Variants in UBR2 observed in about 807,000 individuals in gnomAD.
The protein encoded by UBR2 is E3 ubiquitin-protein ligase UBR2.
Under a neutral mutation model 247.9 loss-of-function variants are expected in UBR2, and 92 were observed. The observed-to-expected ratio is 0.37, with a 90% confidence interval of 0.31 to 0.44. The LOEUF (loss-of-function observed/expected upper bound fraction) is 0.44. UBR2 is among the 20% of genes least tolerant of loss of function. The pLI, the probability that UBR2 is intolerant of heterozygous loss-of-function variation, is 1.00. For missense variants in UBR2, 1,613 were observed against 2,112.6 expected (o/e 0.76, Z 4.64); for synonymous variants, 672 against 693.5 (o/e 0.97, Z 0.49).
At chr6:42,609,718 C>A (rs150116349) in intron 7 of UBR2, among the ~76,000 whole-genome samples, 48 of 150,372 alleles carry the variant, frequency 3.2e-4, no homozygotes, top group Non-Finnish European at 4.4e-5. Context: ...AATCCCATTC[C>A]TACAAAAAAA....
At chr6:42,572,568 G>A (rs1273827247) in intron 1 of UBR2, among the ~76,000 whole-genome samples, 2 of 151,288 alleles carry the variant, frequency 1.3e-5, no homozygotes, top group Non-Finnish European at 2.9e-5. Context: ...AGGAATACAT[G>A]TGCAGGTTTG....
At chr6:42,574,565 A>G (rs1427676522) in intron 2 of UBR2, among the ~76,000 whole-genome samples, 1 of 152,158 alleles carries the variant, frequency 6.6e-6, no homozygotes, top group Non-Finnish European at 1.5e-5. Flanking sequence ...TCTTTTTTAA[A>G]TTTCTTGGTG....
chr6:42,584,159 G>A (rs1440979767), intron 2 of UBR2, among the ~76,000 whole-genome samples: 3 of 151,748 alleles, frequency 2.0e-5, no homozygotes, highest in African/African-American at 7.3e-5. Context: ...ACCATGCCCA[G>A]CTAATTTTGT....
intron 15 of UBR2, among the ~76,000 whole-genome samples, 177 bp from the exon 16 acceptor site, chr6:42,640,032 A>T (rs980592899): frequency 2.0e-5 from 3 of 151,952 alleles, no homozygotes; most frequent in Non-Finnish European, 4.4e-5. Context: ...GTCTCAAAAA[A>T]TTAATAATAA....
At chr6:42,661,671 A>T (rs1040800155) in intron 30 of UBR2, among the ~76,000 whole-genome samples, 3 of 152,250 alleles carry the variant, frequency 2.0e-5, no homozygotes, top group Admixed American at 1.3e-4. Context: ...GTCTGTGCTT[A>T]GATTTTTTGT....
chr6:42,586,538 C>CTTTTTTTTTTTTTTTTTTTTTTTTTTTTT (rs147830824), intron 2 of UBR2, among the ~76,000 whole-genome samples: 4 of 97,256 alleles, frequency 4.1e-5, no homozygotes, highest in African/African-American at 4.3e-5. Context: ...GTTTGTCTCT[C>CTTTTTTTTTTTTTTTTTTTTTTTTTTTTT]TTTTTTTTTT....
intron 2 of UBR2, among the ~76,000 whole-genome samples, chr6:42,579,979 A>G (rs1018237035): frequency 1.3e-5 from 2 of 152,300 alleles, no homozygotes; most frequent in African/African-American, 4.8e-5. Flanking sequence ...CTGTTTTCAT[A>G]GTAAGGACAG....
intron 3 of UBR2, among the ~76,000 whole-genome samples, chr6:42,592,976 C>T (rs750799892): frequency 1.3e-5 from 2 of 152,024 alleles, no homozygotes; most frequent in Non-Finnish European, 2.9e-5. Flanking sequence ...AGATCAACAC[C>T]ATCCTGGCTA....
At chr6:42,609,240 A>G (rs1407011856) in intron 7 of UBR2, among the ~76,000 whole-genome samples, 1 of 152,242 alleles carries the variant, frequency 6.6e-6, no homozygotes, top group Non-Finnish European at 1.5e-5. Flanking sequence ...AAGTACCAGT[A>G]AGTGTGTATA....
intron 2 of UBR2, among the ~76,000 whole-genome samples, chr6:42,576,893 G>T (rs1791557383): frequency 6.6e-6 from 1 of 152,008 alleles, no homozygotes; most frequent in Admixed American, 6.6e-5. Flanking sequence ...TATTTGTGGG[G>T]GTCCCACAAA....
chr6:42,566,509 C>T lies in UBR2; in HGVS notation c.78+2112C>T, dbSNP rs547430417. On this transcript the variant is annotated intron_variant, in intron 1 of 46. Coordinates refer to ENST00000372901, the MANE Select transcript of UBR2 (RefSeq NM_001363705.2). ...AAGTGATTCTCCTGCCTCAGCCTCC[C>T]GAATTACAGCTGGGATTACAGGCGT... Among the ~76,000 whole-genome samples the T allele has an allele frequency of 3.9e-5, 6 of 152,240 alleles. No homozygotes were observed. The South Asian group carries it at 1.0e-3, about 26-fold the overall frequency.
intron 36 of UBR2, among the ~76,000 whole-genome samples, chr6:42,671,125 C>T (rs376919801): frequency 0.023 from 3,346 of 143,428 alleles, 50 homozygotes; most frequent in South Asian, 0.06. Context: ...GCAGAGGTTG[C>T]GGTGAGCTGA....
At chr6:42,633,722 T>TGTTTG (rs1388479863) in intron 13 of UBR2, among the ~76,000 whole-genome samples, 1 of 144,204 alleles carries the variant, frequency 6.9e-6, no homozygotes, top group Non-Finnish European at 1.5e-5. Context: ...GTTTGTTTTT[T>TGTTTG]GTTTTGTTTT....
chr6:42,583,427 A>G (rs1408964927), intron 2 of UBR2, among the ~76,000 whole-genome samples: 1 of 151,498 alleles, frequency 6.6e-6, no homozygotes, highest in African/African-American at 2.4e-5. Flanking sequence ...TTCTATTTTT[A>G]GTAGAGGTGG....
intron 7 of UBR2, among the ~76,000 whole-genome samples, chr6:42,610,443 T>C (rs1487026084): frequency 6.6e-6 from 1 of 152,190 alleles, no homozygotes; most frequent in East Asian, 1.9e-4. Flanking sequence ...AAGTGTCTGC[T>C]AATGAAGGAA....
chr6:42,622,874 T>C (rs530512858), intron 11 of UBR2, among the ~76,000 whole-genome samples: 2 of 151,232 alleles, frequency 1.3e-5, no homozygotes. Flanking sequence ...TCTGTGATGC[T>C]CAGGCCAGTC....
At chr6:42,647,206 C>T (rs892420938) in intron 21 of UBR2, among the ~76,000 whole-genome samples, 2 of 152,032 alleles carry the variant, frequency 1.3e-5, no homozygotes, top group Non-Finnish European at 2.9e-5. Context: ...AAGTGAATCC[C>T]AAGTTGTTCA....
intron 11 of UBR2, among the ~76,000 whole-genome samples, chr6:42,621,074 C>T (rs930147933): frequency 6.6e-6 from 1 of 152,090 alleles, no homozygotes; most frequent in African/African-American, 2.4e-5. Context: ...CCACCGCACC[C>T]GGCCGTACTT....
chr6:42,651,765 A>G (rs1797128032), intron 23 of UBR2, among the ~76,000 whole-genome samples: 1 of 151,140 alleles, frequency 6.6e-6, no homozygotes, highest in African/African-American at 2.4e-5. Flanking sequence ...TGCTGGGATT[A>G]CAGGTGTGAG....
Sources: allele counts gnomAD v4.1 joint callset (sites outside exome capture counted in the v4.1 genomes callset), GRCh38; gene constraint gnomAD v4.1.1; transcripts MANE v1.5; gene names NCBI Gene and HGNC (gene_info 2026-07-23, HGNC 2026-07-21).